Variants in DLC1 observed in about 807,000 individuals in gnomAD.
The protein encoded by DLC1 is rho GTPase-activating protein 7.
Under a neutral mutation model 140.3 loss-of-function variants are expected in DLC1, and 54 were observed. That is an observed-to-expected ratio of 0.38 (90% CI 0.31 to 0.48). The LOEUF (loss-of-function observed/expected upper bound fraction) is 0.48, where lower values mean the gene tolerates loss of function less well. Ranked by LOEUF, DLC1 falls within the 20% of genes least tolerant of loss-of-function variation. The pLI is 0.96. For synonymous variants in DLC1, 986 were observed against 728.1 expected (o/e 1.35, Z -5.70); for missense variants, 2,536 against 1,907.0 (o/e 1.33, Z -6.14).
At chr8:13,569,179 C>G (rs188754715) in intron 1 of DLC1, among the ~76,000 whole-genome samples, 4 of 152,050 alleles carry the variant, frequency 2.6e-5, no homozygotes, top group African/African-American at 7.2e-5. Flanking sequence ...TCTATTTCCT[C>G]TATAAAAATA....
At chr8:13,561,706 T>G (rs2117382681) in intron 1 of DLC1, among the ~76,000 whole-genome samples, 1 of 152,336 alleles carries the variant, frequency 6.6e-6, no homozygotes, top group Non-Finnish European at 1.5e-5. Flanking sequence ...TTTTATATCA[T>G]GTAGGTAATT....
At chr8:13,106,175 G>C (rs975573571) in intron 7 of DLC1, among the ~76,000 whole-genome samples, 1 of 152,190 alleles carries the variant, frequency 6.6e-6, no homozygotes, top group Admixed American at 6.5e-5. Flanking sequence ...AGCACAGCAG[G>C]TGGGGACCTG....
chr8:13,259,471 T>C (rs894694622), intron 5 of DLC1, among the ~76,000 whole-genome samples: 6 of 152,220 alleles, frequency 3.9e-5, no homozygotes, highest in African/African-American at 1.4e-4. Context: ...TCCTGAAAGT[T>C]CATCAGCTGT....
chr8:13,513,077 G>T (rs58775501), intron 1 of DLC1, among the ~76,000 whole-genome samples: 1 of 151,594 alleles, frequency 6.6e-6, no homozygotes, highest in South Asian at 2.1e-4. Context: ...GGGAGGGCAG[G>T]ATGATGGGAT....
At chr8:13,094,984 G>C (rs1339204695) in intron 11 of DLC1, 27 bp from the exon 12 acceptor site, 1 of 1,613,968 alleles carries the variant, frequency 6.2e-7, no homozygotes, top group Non-Finnish European at 8.5e-7. Context: ...ACTAAGTGTG[G>C]GGTACATTCA....
chr8:13,469,003 T>C (rs111568814), intron 2 of DLC1, among the ~76,000 whole-genome samples: 4,406 of 151,898 alleles, frequency 0.029, 84 homozygotes, highest in African/African-American at 0.053. Flanking sequence ...GTAATTTTAG[T>C]GGAGATGGGG....
intron 4 of DLC1, among the ~76,000 whole-genome samples, chr8:13,328,957 T>C (rs1406761707): frequency 6.6e-6 from 1 of 152,114 alleles, no homozygotes; most frequent in Non-Finnish European, 1.5e-5. Flanking sequence ...CAAGCGTAGA[T>C]ATGGAAATGT....
chr8:13,101,663 C>T (rs1211671129), intron 8 of DLC1, among the ~76,000 whole-genome samples: 4 of 152,174 alleles, frequency 2.6e-5, no homozygotes, highest in Non-Finnish European at 5.9e-5. Context: ...CCCTCCCCCA[C>T]AAGACATGAA....
intron 4 of DLC1, among the ~76,000 whole-genome samples, chr8:13,336,132 C>T (rs987153380): frequency 1.3e-5 from 2 of 151,952 alleles, no homozygotes; most frequent in African/African-American, 4.8e-5. Context: ...AATTATTTTC[C>T]TTGTAAATCT....
At chr8:13,246,156 G>A (rs73560350) in intron 5 of DLC1, among the ~76,000 whole-genome samples, 2,152 of 152,274 alleles carry the variant, frequency 0.014, 54 homozygotes, top group African/African-American at 0.049. Context: ...ACCTAGAACT[G>A]AGAAGAGTTT....
intron 1 of DLC1, among the ~76,000 whole-genome samples, chr8:13,542,660 A>T (rs73561340): frequency 0.025 from 3,783 of 152,190 alleles, 136 homozygotes; most frequent in East Asian, 0.14. Flanking sequence ...GATCTTTTTA[A>T]ACATTTAGCA....
intron 4 of DLC1, among the ~76,000 whole-genome samples, chr8:13,356,404 C>T (rs983515475): frequency 2.0e-5 from 3 of 152,164 alleles, no homozygotes; most frequent in African/African-American, 7.2e-5. Flanking sequence ...CAGTTTGCCT[C>T]AATTGATACT....
rs572246215 is a variant in DLC1, at chr8:13,593,452, T to G, written c.-126+11085A>C. ...AAATGTTGAGTGGACGTTATATGTG[T>G]TACTTCTAGATGAAATCTTAAGATT... On this transcript the variant is annotated intron_variant, in intron 1 of 1. Coordinates refer to the DLC1 transcript ENST00000631382. Among the ~76,000 whole-genome samples, 231 of 152,252 alleles carry G rather than the reference T, an allele frequency of 1.5e-3. 1 individual carries two copies. The highest frequency in any genetic ancestry group is 5.3e-3 in the African/African-American group (222 of 41,548).
At chr8:13,525,482 A>G (rs944238748) in intron 1 of DLC1, among the ~76,000 whole-genome samples, 1 of 152,214 alleles carries the variant, frequency 6.6e-6, no homozygotes, top group African/African-American at 2.4e-5. Context: ...GTTGTTACAC[A>G]TGCATGCCAA....
At chr8:13,465,257 A>G (rs1799878395) in intron 2 of DLC1, among the ~76,000 whole-genome samples, 1 of 152,174 alleles carries the variant, frequency 6.6e-6, no homozygotes, top group Non-Finnish European at 1.5e-5. Flanking sequence ...TCTAGGACAC[A>G]CTTCTAGGAG....
At chr8:13,396,840 G>C (rs958926621) in intron 3 of DLC1, among the ~76,000 whole-genome samples, 1 of 151,842 alleles carries the variant, frequency 6.6e-6, no homozygotes, top group South Asian at 2.1e-4. Flanking sequence ...TCTCACATCC[G>C]CTCCCTCCTT....
At chr8:13,142,188 G>C (rs1206580496) in intron 5 of DLC1, among the ~76,000 whole-genome samples, 1 of 152,184 alleles carries the variant, frequency 6.6e-6, no homozygotes, top group South Asian at 2.1e-4. Flanking sequence ...CAGCGGTGGC[G>C]AACTGTGAGT....
At chr8:13,269,364 G>A (rs59394043) in intron 5 of DLC1, among the ~76,000 whole-genome samples, 2,726 of 152,184 alleles carry the variant, frequency 0.018, 74 homozygotes, top group African/African-American at 0.062. Context: ...GAGCACAGAG[G>A]GATCAATGGA....
At chr8:13,527,666 G>T (rs1802961831) in intron 1 of DLC1, among the ~76,000 whole-genome samples, 1 of 151,924 alleles carries the variant, frequency 6.6e-6, no homozygotes, top group African/African-American at 2.4e-5. Flanking sequence ...TGTTATTTTG[G>T]TAAATGCACT....
Sources: allele counts gnomAD v4.1 joint callset (sites outside exome capture counted in the v4.1 genomes callset), GRCh38; gene constraint gnomAD v4.1.1; transcripts MANE v1.5; gene names NCBI Gene and HGNC (gene_info 2026-07-23, HGNC 2026-07-21).